The following TMEM144 variants were observed in gnomAD, a reference collection of about 807,000 sequenced individuals.
TMEM144 encodes the protein transmembrane protein 144.
In TMEM144, 39 loss-of-function variants were observed where a neutral mutation model predicts 43.6. That is an observed-to-expected ratio of 0.90 (90% CI 0.69 to 1.17). The LOEUF is 1.17. TMEM144 is among the 50% of genes most tolerant of loss of function. The pLI is 0.00. For synonymous variants in TMEM144, 154 were observed against 133.6 expected, an observed-to-expected ratio of 1.15 and a Z score of -1.06; for missense variants, 417 against 411.9, an observed-to-expected ratio of 1.01 and a Z score of -0.11.
At chr4:158,237,214 A>C in intron 8 of TMEM144, 1 of 225,180 alleles carries the variant, frequency 4.4e-6, no homozygotes, top group Non-Finnish European at 8.7e-6. Flanking sequence ...ATTTATGTAG[A>C]CTGTACAATA....
chr4:158,240,411 C>G lies in TMEM144; in HGVS notation c.795C>G (p.Val265=). 1 of 1,608,380 alleles carries G rather than the reference C, an allele frequency of 6.2e-7. No homozygotes were observed. Among genetic ancestry groups the G allele is most frequent in the Non-Finnish European group, 8.5e-7 (1 of 1,178,162 alleles). Residue 265 remains valine (V), a synonymous_variant, in exon 10 of 13, where the codon GTC becomes GTG. Transcript: ENST00000296529. ...GTCCTAAACTATATCCTGAAGCAGT[C>G]CTACCAGGTAAGAATATGTACTACA... ...KNSPKLYPEA[V]LPGFLSGVLW... is the part of the protein sequence containing the mutation.
At chr4:158,228,541 G>A (rs143454542) in intron 6 of TMEM144, among the ~76,000 whole-genome samples, 279 of 152,288 alleles carry the variant, frequency 1.8e-3, no homozygotes, top group African/African-American at 5.7e-3. Flanking sequence ...TTCAGCCACT[G>A]CGTCGATCCT....
chr4:158,235,347 A>T, intron 7 of TMEM144, 91 bp from the exon 8 acceptor site: 1 of 1,329,882 alleles, frequency 7.5e-7, no homozygotes. Flanking sequence ...GCATGTTTGA[A>T]AGAGAAGAGA....
rs1479897610 is a variant in TMEM144 at position 158,219,717 on chromosome 4, A to G, written c.413+327A>G. On this transcript the variant is annotated intron_variant, in intron 6 of 12. Transcript: ENST00000296529. Reference sequence around the variant, plus strand: ...AATCATATATTTTGCAAACTAAAACATGCTATTCAGAAAAAGCATTCTGCT... The same window carrying G: ...AATCATATATTTTGCAAACTAAAACGTGCTATTCAGAAAAAGCATTCTGCT... 2.6e-5 allele frequency among the ~76,000 whole-genome samples: 4 copies of G among 152,244 alleles called. No individual in the cohort carries two copies. In the East Asian group the frequency reaches 5.8e-4, roughly 22 times the overall value.
chr4:158,221,238 T>C (rs1560823326), intron 6 of TMEM144, among the ~76,000 whole-genome samples: 2 of 152,120 alleles, frequency 1.3e-5, no homozygotes, highest in Non-Finnish European at 2.9e-5. Context: ...CAAGACCCAG[T>C]TGAGCAAAAG....
chr4:158,222,656 A>T (rs566494142), intron 6 of TMEM144, among the ~76,000 whole-genome samples: 1 of 152,186 alleles, frequency 6.6e-6, no homozygotes, highest in Non-Finnish European at 1.5e-5. Context: ...GACAAGGCCC[A>T]TTATTTTCTA....
At chr4:158,216,627 T>A (rs1734235719) in intron 4 of TMEM144, among the ~76,000 whole-genome samples, 1 of 151,996 alleles carries the variant, frequency 6.6e-6, no homozygotes, top group African/African-American at 2.4e-5. Context: ...TGAAATTAGG[T>A]CAAGTACCCA....
At chr4:158,218,414 A>G (rs1020527454) in intron 5 of TMEM144, among the ~76,000 whole-genome samples, 3 of 152,156 alleles carry the variant, frequency 2.0e-5, no homozygotes, top group African/African-American at 7.2e-5. Flanking sequence ...TCAAAGCATT[A>G]TAACCACCTC....
At chr4:158,245,090 A>G (rs1416539674) in intron 12 of TMEM144, among the ~76,000 whole-genome samples, 1 of 151,924 alleles carries the variant, frequency 6.6e-6, no homozygotes, top group African/African-American at 2.4e-5. Flanking sequence ...TCTCCCAAAG[A>G]CCTCCATGTC....
At chr4:158,216,666 G>C (rs1387503927) in intron 4 of TMEM144, among the ~76,000 whole-genome samples, 2 of 152,100 alleles carry the variant, frequency 1.3e-5, no homozygotes, top group Non-Finnish European at 2.9e-5. Flanking sequence ...GGACAAATAT[G>C]TTCAAGGGAA....
chr4:158,214,261 C>T (rs1161399961), intron 3 of TMEM144, among the ~76,000 whole-genome samples: 1 of 152,122 alleles, frequency 6.6e-6, no homozygotes, highest in Admixed American at 6.5e-5. Context: ...CTCCTGAGCT[C>T]AGGCAGTCCA....
chr4:158,243,547 C>T (rs1366492970), intron 11 of TMEM144, among the ~76,000 whole-genome samples: 41 of 152,198 alleles, frequency 2.7e-4, no homozygotes, highest in Admixed American at 2.7e-3. Flanking sequence ...ACCTAGCCCG[C>T]ATTCCAATTT....
At chr4:158,234,465 G>T (rs1735236079) in intron 7 of TMEM144, 1 of 151,922 alleles carries the variant, frequency 6.6e-6, no homozygotes, top group African/African-American at 2.4e-5. Flanking sequence ...ACTTGAACCT[G>T]GGAGGAGGAG....
intron 6 of TMEM144, among the ~76,000 whole-genome samples, chr4:158,229,912 G>A (rs1359283544): frequency 1.3e-5 from 2 of 152,028 alleles, no homozygotes; most frequent in African/African-American, 4.8e-5. Context: ...CACCCAGGGA[G>A]CTTAGCGTGT....
At chr4:158,230,130 G>C (rs962080106) in intron 6 of TMEM144, among the ~76,000 whole-genome samples, 16 of 152,226 alleles carry the variant, frequency 1.1e-4, no homozygotes, top group Non-Finnish European at 2.4e-4. Flanking sequence ...GTTTGCAAGT[G>C]GGATCTTCCA....
At chr4:158,222,295 T>A (rs1473535656) in intron 6 of TMEM144, among the ~76,000 whole-genome samples, 2 of 152,250 alleles carry the variant, frequency 1.3e-5, no homozygotes, top group African/African-American at 4.8e-5. Context: ...GAATTCAGAA[T>A]AAACTTGTCT....
chr4:158,217,760 A>G (rs1193079234), intron 5 of TMEM144, among the ~76,000 whole-genome samples: 2 of 152,186 alleles, frequency 1.3e-5, no homozygotes, highest in Non-Finnish European at 2.9e-5. Context: ...ACGTGAGGTA[A>G]GCACTATCTT....
rs112618135 is a variant in TMEM144 at position 158,251,987 on chromosome 4, A to G, written c.955-1457A>G. On this transcript the variant is annotated intron_variant, in intron 12 of 12. Coordinates refer to ENST00000296529, the MANE Select transcript of TMEM144 (RefSeq NM_018342.5). Reference sequence around the variant, plus strand: ...TCATTCAGGGGGAGCAGCCAGGACAATAAGGAAGCTTGAAACCATTCCATA... The same window carrying G: ...TCATTCAGGGGGAGCAGCCAGGACAGTAAGGAAGCTTGAAACCATTCCATA... Among the ~76,000 whole-genome samples the G allele has an allele frequency of 5.6e-3, 850 of 152,322 alleles. 11 individuals are homozygous for G. Among genetic ancestry groups the G allele is most frequent in the African/African-American group, 0.02 (814 of 41,572 alleles).
At chr4:158,217,758 T>C (rs947443517) in intron 5 of TMEM144, among the ~76,000 whole-genome samples, 6 of 152,168 alleles carry the variant, frequency 3.9e-5, no homozygotes, top group African/African-American at 1.2e-4. Context: ...ATACGTGAGG[T>C]AAGCACTATC....
Sources: allele counts gnomAD v4.1 joint callset (sites outside exome capture counted in the v4.1 genomes callset), GRCh38; gene constraint gnomAD v4.1.1; transcripts MANE v1.5; gene names NCBI Gene and HGNC (gene_info 2026-07-23, HGNC 2026-07-21).